PAX5: variants seen among roughly 807,000 people sequenced by gnomAD.
The protein encoded by PAX5 is paired box 5.
In PAX5, 9 loss-of-function variants were observed where a neutral mutation model predicts 43.7. That is an observed-to-expected ratio of 0.21 (90% CI 0.12 to 0.36). The LOEUF (loss-of-function observed/expected upper bound fraction) is 0.36, where lower values mean the gene tolerates loss of function less well. Among genes scored for constraint, PAX5 ranks in the 10% least tolerant of loss-of-function variants. The probability of loss-of-function intolerance (pLI) is 1.00; values close to 1 mark genes in which losing one functional copy is unlikely to be tolerated. For synonymous variants in PAX5, 228 were observed against 214.3 expected (o/e 1.06, Z -0.56); for missense variants, 383 against 532.7 (o/e 0.72, Z 2.77).
chr9:37,032,698 A>C (rs1048550499), intron 1 of PAX5, among the ~76,000 whole-genome samples: 1 of 152,208 alleles, frequency 6.6e-6, no homozygotes, highest in Non-Finnish European at 1.5e-5. Flanking sequence ...GCTTCTTGCC[A>C]GGGCCAAGAG....
chr9:36,942,599 C>G (rs1388054555), intron 6 of PAX5, among the ~76,000 whole-genome samples: 1 of 152,254 alleles, frequency 6.6e-6, no homozygotes, highest in Non-Finnish European at 1.5e-5. Context: ...TCGTGCTCAG[C>G]TGCTGACACA....
chr9:36,985,209 T>C (rs1428303188), intron 5 of PAX5, among the ~76,000 whole-genome samples: 3 of 152,176 alleles, frequency 2.0e-5, no homozygotes, highest in African/African-American at 4.8e-5. Flanking sequence ...CTGAGTGCCA[T>C]GACAAAGGGA....
intron 8 of PAX5, among the ~76,000 whole-genome samples, chr9:36,873,654 G>A (rs999891984): frequency 1.1e-4 from 17 of 152,298 alleles, no homozygotes; most frequent in Non-Finnish European, 4.4e-5. Context: ...CTGAGCAAAC[G>A]CTCCCTGAGC....
At chr9:36,953,682 A>C (rs7873191) in intron 6 of PAX5, among the ~76,000 whole-genome samples, 110,127 of 152,080 alleles carry the variant, frequency 0.72, 40,306 homozygotes, top group South Asian at 0.83. Flanking sequence ...ATTCTTTCTT[A>C]GAATTTTCAT....
chr9:36,852,302 G>A (rs1282574764), intron 8 of PAX5, among the ~76,000 whole-genome samples: 3 of 152,202 alleles, frequency 2.0e-5, no homozygotes, highest in Admixed American at 6.5e-5. Context: ...ATACAGAGCT[G>A]TGGAAGTGAC....
intron 5 of PAX5, among the ~76,000 whole-genome samples, chr9:36,986,515 G>T (rs1248226658): frequency 2.0e-5 from 3 of 152,058 alleles, no homozygotes; most frequent in African/African-American, 7.2e-5. Flanking sequence ...CGGGGGCGCC[G>T]CGCTCAGCCT....
intron 7 of PAX5, among the ~76,000 whole-genome samples, chr9:36,910,937 T>C (rs1210981374): frequency 1.3e-5 from 2 of 152,216 alleles, no homozygotes; most frequent in African/African-American, 2.4e-5. Context: ...ATGCATGTCA[T>C]TCATTCATTC....
chr9:36,895,752 G>A (rs1430890578), intron 7 of PAX5, among the ~76,000 whole-genome samples: 1 of 152,180 alleles, frequency 6.6e-6, no homozygotes, highest in African/African-American at 2.4e-5. Flanking sequence ...TGACAGGTTG[G>A]GGGTTTCTAG....
chr9:36,983,204 C>T (rs1564038740), intron 5 of PAX5, among the ~76,000 whole-genome samples: 3 of 152,280 alleles, frequency 2.0e-5, no homozygotes, highest in Non-Finnish European at 4.4e-5. Context: ...CCAACATATA[C>T]ATTGAGGGAA....
intron 8 of PAX5, among the ~76,000 whole-genome samples, chr9:36,847,898 T>C (rs559114231): frequency 1.3e-5 from 2 of 152,288 alleles, no homozygotes; most frequent in African/African-American, 4.8e-5. Context: ...GGCCTGCCTG[T>C]CTTCCCCCAT....
At chr9:36,909,165 G>T (rs1367863343) in intron 7 of PAX5, among the ~76,000 whole-genome samples, 1 of 152,108 alleles carries the variant, frequency 6.6e-6, no homozygotes, top group Non-Finnish European at 1.5e-5. Flanking sequence ...CTATTTACCA[G>T]TGAAAAAGCA....
chr9:36,925,222 C>T (rs1830555671), intron 6 of PAX5, among the ~76,000 whole-genome samples: 1 of 152,128 alleles, frequency 6.6e-6, no homozygotes. Context: ...GTGCTGCAGG[C>T]CCAGGCTCTA....
rs1459816579 is a variant in PAX5 at position 36,979,164 on chromosome 9, C to T, written c.605-12440G>A. Among the ~76,000 whole-genome samples the T allele has an allele frequency of 1.6e-4, 25 of 152,202 alleles. 1 individual carries two copies. Among genetic ancestry groups the T allele is most frequent in the Non-Finnish European group, 1.2e-4 (8 of 68,044 alleles). Reference sequence around the variant, plus strand: ...GTTAGATGTACTCGGACTGGCTCGACTCCTCTTGGATACACAGAGATCAGC... The same window carrying T: ...GTTAGATGTACTCGGACTGGCTCGATTCCTCTTGGATACACAGAGATCAGC... On this transcript the variant is annotated intron_variant, in intron 5 of 9. Transcript: ENST00000358127.
intron 8 of PAX5, among the ~76,000 whole-genome samples, chr9:36,849,480 C>T (rs1185113096): frequency 6.6e-6 from 1 of 152,190 alleles, no homozygotes; most frequent in Non-Finnish European, 1.5e-5. Context: ...TAGCACAGGG[C>T]CTGGCCTCTA....
At chr9:36,978,083 C>A (rs933567050) in intron 5 of PAX5, among the ~76,000 whole-genome samples, 4 of 152,240 alleles carry the variant, frequency 2.6e-5, no homozygotes, top group Non-Finnish European at 5.9e-5. Flanking sequence ...TTGAAGCTCT[C>A]ATGGTGTTGG....
intron 3 of PAX5, among the ~76,000 whole-genome samples, chr9:37,006,925 C>T (rs1386976782): frequency 1.3e-5 from 2 of 152,162 alleles, no homozygotes; most frequent in African/African-American, 2.4e-5. Context: ...CTTTCCTAGA[C>T]CTCAGCCTCC....
chr9:36,887,289 G>A (rs898955257), intron 7 of PAX5, among the ~76,000 whole-genome samples: 1 of 152,008 alleles, frequency 6.6e-6, no homozygotes, highest in South Asian at 2.1e-4. Flanking sequence ...TTAAACAAAG[G>A]CTCAAAAGAT....
At chr9:36,851,589 A>AT (rs1006737661) in intron 8 of PAX5, among the ~76,000 whole-genome samples, 15 of 152,106 alleles carry the variant, frequency 9.9e-5, no homozygotes, top group African/African-American at 3.4e-4. Context: ...AGAACATAGG[A>AT]TTTTCCCACT....
At chr9:37,025,965 A>C (rs2132533006) in intron 1 of PAX5, among the ~76,000 whole-genome samples, 1 of 152,286 alleles carries the variant, frequency 6.6e-6, no homozygotes, top group Non-Finnish European at 1.5e-5. Flanking sequence ...TGAACTCAGA[A>C]ACCGCTACTT....
Sources: allele counts gnomAD v4.1 joint callset (sites outside exome capture counted in the v4.1 genomes callset), GRCh38; gene constraint gnomAD v4.1.1; transcripts MANE v1.5; gene names NCBI Gene and HGNC (gene_info 2026-07-23, HGNC 2026-07-21).